RHOQ: variants seen among roughly 807,000 people sequenced by gnomAD.
RHOQ encodes ras homolog family member Q, also known as rho-related GTP-binding protein RhoQ.
RHOQ carries 7 observed loss-of-function variants against 25.8 expected under a neutral mutation model. That is an observed-to-expected ratio of 0.27 (90% CI 0.15 to 0.51). The LOEUF is 0.51. RHOQ is among the 20% of genes least tolerant of loss of function. The pLI, the probability that RHOQ is intolerant of heterozygous loss-of-function variation, is 0.97. For synonymous variants in RHOQ, 97 were observed against 98.6 expected, an observed-to-expected ratio of 0.98 and a Z score of 0.10; for missense variants, 165 against 260.6, an observed-to-expected ratio of 0.63 and a Z score of 2.53.
chr2:46,583,839 A>T lies in RHOQ; in HGVS notation c.*2756A>T, dbSNP rs894395031. On this transcript the variant is annotated 3_prime_UTR_variant, in exon 5 of 5. Transcript: ENST00000238738. Reference sequence around the variant, plus strand: ...GAATACAAATACACTGCCTCAAATAAGGCCATGTATGAATGAACTTACAAG... The same window carrying T: ...GAATACAAATACACTGCCTCAAATATGGCCATGTATGAATGAACTTACAAG... 1.3e-5 allele frequency among the ~76,000 whole-genome samples: 2 copies of T among 152,204 alleles called. No individual in the cohort carries two copies. The highest frequency in any genetic ancestry group is 4.8e-5 in the African/African-American group (2 of 41,466).
At position 46,548,624 on chromosome 2, in the gene RHOQ, T is replaced by C. The variant is rs1668146918; in HGVS notation, c.201+4812T>C. On this transcript the variant is annotated intron_variant, in intron 2 of 4. Coordinates refer to ENST00000238738, the MANE Select transcript of RHOQ (RefSeq NM_012249.4). The surrounding 1 kb of genome is among the most constrained non-coding windows in gnomAD (Gnocchi z 5.2). Reference sequence around the variant, plus strand: ...ACTCACAACATCAGACTCTGGGTCCTTGTAGCCCCGTGTTCCATCCTTGCT... The same window carrying C: ...ACTCACAACATCAGACTCTGGGTCCCTGTAGCCCCGTGTTCCATCCTTGCT... 6.6e-6 allele frequency among the ~76,000 whole-genome samples: 1 copy of C among 152,182 alleles called. No homozygotes were observed. Among genetic ancestry groups the C allele is most frequent in the Admixed American group, 6.5e-5 (1 of 15,280 alleles).
intron 2 of RHOQ, among the ~76,000 whole-genome samples, chr2:46,549,493 G>C (rs750161936): frequency 5.9e-5 from 9 of 152,184 alleles, no homozygotes; most frequent in Middle Eastern, 3.2e-3. Context: ...GGCAGCTGTG[G>C]GTGCTACAGA....
Position 46,576,361 on chromosome 2 carries a change from C to T in RHOQ, c.366+110C>T. The stretch of plus-strand genomic sequence containing the variant: ...TGAGCAAATGATGTAAGTGTTTAAT[C>T]TCAGCTGCAAGTTAATGAGTTCTAT... On this transcript the variant is annotated intron_variant, in intron 3 of 4. Coordinates refer to ENST00000238738, the MANE Select transcript of RHOQ (RefSeq NM_012249.4). This position sits in a 1 kb window ranked among gnomAD's most constrained non-coding sequence, Gnocchi z 5.1. 1 of 1,040,392 alleles carries T rather than the reference C, an allele frequency of 9.6e-7. No homozygotes were observed. The highest frequency in any genetic ancestry group is 1.4e-6 in the Non-Finnish European group (1 of 709,492). 64.4% of individuals were successfully genotyped at this position (1,040,392 alleles called of 1,614,324 possible).
intron 2 of RHOQ, among the ~76,000 whole-genome samples, chr2:46,547,375 G>C (rs970255358): frequency 6.6e-6 from 1 of 152,262 alleles, no homozygotes; most frequent in African/African-American, 2.4e-5. Flanking sequence ...GGTGATTGTT[G>C]TAGATGACCT....
At chr2:46,577,943 C>A (rs1383455622) in intron 4 of RHOQ, among the ~76,000 whole-genome samples, 1 of 152,042 alleles carries the variant, frequency 6.6e-6, no homozygotes, top group South Asian at 2.1e-4. Context: ...AAACTTAATA[C>A]CACATCAAAT....
At chr2:46,559,978 C>G (rs1355971078) in intron 2 of RHOQ, among the ~76,000 whole-genome samples, 2 of 152,212 alleles carry the variant, frequency 1.3e-5, no homozygotes, top group African/African-American at 4.8e-5. Flanking sequence ...TAGTTCTGCC[C>G]TTACCAGAGA....
chr2:46,576,332 A>T lies in RHOQ; in HGVS notation c.366+81A>T. Reference sequence around the variant, plus strand: ...GGCTGCTCTCAGACAAACAGTCCCAAAGCTGAGCAAATGATGTAAGTGTTT... The same window carrying T: ...GGCTGCTCTCAGACAAACAGTCCCATAGCTGAGCAAATGATGTAAGTGTTT... On this transcript the variant is annotated intron_variant, in intron 3 of 4. Transcript: ENST00000238738. This position sits in a 1 kb window ranked among gnomAD's most constrained non-coding sequence, Gnocchi z 5.1. The T allele has an allele frequency of 8.3e-7, 1 of 1,206,640 alleles. No homozygotes were observed. 74.7% of individuals were successfully genotyped at this position (1,206,640 alleles called of 1,614,324 possible).
chr2:46,560,244 G>GT (rs1261706978), intron 2 of RHOQ, among the ~76,000 whole-genome samples: 1 of 152,056 alleles, frequency 6.6e-6, no homozygotes, highest in Non-Finnish European at 1.5e-5. Context: ...AGTTCCACTT[G>GT]TTTTTTTGCC....
chr2:46,557,927 T>G (rs922516653), intron 2 of RHOQ, among the ~76,000 whole-genome samples: 1 of 152,216 alleles, frequency 6.6e-6, no homozygotes, highest in African/African-American at 2.4e-5. Flanking sequence ...CACTGATCAG[T>G]GTTTATATTT....
At chr2:46,546,090 A>G (rs1027678488) in intron 2 of RHOQ, among the ~76,000 whole-genome samples, 4 of 152,044 alleles carry the variant, frequency 2.6e-5, no homozygotes, top group African/African-American at 9.7e-5. Context: ...ATCTCCCAGC[A>G]TTTGAGGGTT....
At position 46,573,151 on chromosome 2, in the gene RHOQ, C is replaced by T. The variant is rs141150885; in HGVS notation, c.202-2936C>T. Among the ~76,000 whole-genome samples the T allele has an allele frequency of 2.4e-3, 359 of 152,032 alleles. 8 individuals carry two copies. The South Asian group carries it at 0.041, about 17-fold the overall frequency. On this transcript the variant is annotated intron_variant, in intron 2 of 4. Transcript: ENST00000238738. ...CAATCTCTGCTCACTGCAGCCTCCA[C>T]CTCCTGGGTTCAAGTGATTCTCCTG...
chr2:46,560,482 C>A (rs1214474043), intron 2 of RHOQ: 1 of 441,080 alleles, frequency 2.3e-6, no homozygotes, highest in East Asian at 7.1e-5. Context: ...TGTTCAGGGC[C>A]AGGCTCCTGA....
intron 2 of RHOQ, among the ~76,000 whole-genome samples, chr2:46,573,539 C>A (rs1363494779): frequency 6.6e-6 from 1 of 152,216 alleles, no homozygotes; most frequent in Admixed American, 6.5e-5. Flanking sequence ...TAAGAAATAT[C>A]TAGAAATGAT....
intron 1 of RHOQ, chr2:46,543,396 A>C: frequency 6.7e-6 from 4 of 598,486 alleles, no homozygotes; most frequent in Non-Finnish European, 1.2e-5. Context: ...CCCGCCCCCT[A>C]CGCGGCTCCT....
intron 2 of RHOQ, among the ~76,000 whole-genome samples, chr2:46,553,584 CT>C (rs895092851): frequency 2.9e-3 from 428 of 145,114 alleles, no homozygotes; most frequent in African/African-American, 4.6e-3. Context: ...CTTTTTCGAA[CT>C]TTTTTTTTTT....
At chr2:46,545,723 C>G (rs939628384) in intron 2 of RHOQ, among the ~76,000 whole-genome samples, 2 of 151,990 alleles carry the variant, frequency 1.3e-5, no homozygotes, top group African/African-American at 4.8e-5. Flanking sequence ...GCTGAGATGC[C>G]ACGGGGTTGA....
At chr2:46,547,466 T>A (rs1157062022) in intron 2 of RHOQ, among the ~76,000 whole-genome samples, 3 of 152,192 alleles carry the variant, frequency 2.0e-5, no homozygotes, top group African/African-American at 7.2e-5. Context: ...AGAGAGAGTG[T>A]ATTGGACTTC....
intron 2 of RHOQ, among the ~76,000 whole-genome samples, chr2:46,575,435 AC>A (rs1289497676): frequency 6.6e-6 from 1 of 151,094 alleles, no homozygotes; most frequent in East Asian, 1.9e-4. Context: ...ACACACACAC[AC>A]ACACACAATT....
intron 2 of RHOQ, chr2:46,560,375 T>C (rs1481195180): frequency 3.3e-6 from 1 of 304,220 alleles, no homozygotes; most frequent in Non-Finnish European, 6.7e-6. Flanking sequence ...CAAAGATAAA[T>C]GCATACGTTC....
Sources: gnomAD v4.1 joint callset for allele counts (sites outside exome capture counted in the v4.1 genomes callset) on GRCh38, gnomAD v4.1.1 for gene constraint, Gnocchi (gnomAD v3.1) non-coding constraint, MANE v1.5 for transcripts, NCBI Gene and HGNC (gene_info 2026-07-23, HGNC 2026-07-21) for gene names.